The following CYP2C19 variants were observed in gnomAD, a reference collection of about 807,000 sequenced individuals.
CYP2C19 encodes cytochrome P450 2C19.
In CYP2C19, 59 loss-of-function variants were observed where a neutral mutation model predicts 40.9. The ratio of observed to expected loss-of-function variants is 1.44; its 90% CI spans 1.17 to 1.79. The LOEUF (loss-of-function observed/expected upper bound fraction) is 1.79. Ranked by LOEUF, CYP2C19 falls within the 40% of genes most tolerant of loss-of-function variation. The pLI is 0.00. For synonymous variants in CYP2C19, 253 were observed against 208.7 expected (o/e 1.21, Z -1.83); for missense variants, 754 against 596.9 (o/e 1.26, Z -2.74).
intron 5 of CYP2C19, among the ~76,000 whole-genome samples, chr10:94,817,389 G>A (rs1218077706): frequency 6.8e-6 from 1 of 147,014 alleles, no homozygotes; most frequent in Non-Finnish European, 1.5e-5. Context: ...TTTGAGAAGT[G>A]TCTGTTCATG....
intron 7 of CYP2C19, among the ~76,000 whole-genome samples, chr10:94,843,989 A>G (rs1472186058): frequency 6.6e-6 from 1 of 152,248 alleles, no homozygotes; most frequent in Admixed American, 6.5e-5. Flanking sequence ...GTATGCACAT[A>G]GAGATGAATT....
chr10:94,828,431 CT>C (rs1849267812), intron 6 of CYP2C19, among the ~76,000 whole-genome samples: 1 of 148,926 alleles, frequency 6.7e-6, no homozygotes, highest in Admixed American at 6.7e-5. Context: ...CCTTCTTTGT[CT>C]CTTTTGATCT....
At chr10:94,817,326 C>T (rs1055956769) in intron 5 of CYP2C19, among the ~76,000 whole-genome samples, 1 of 150,966 alleles carries the variant, frequency 6.6e-6, no homozygotes, top group Non-Finnish European at 1.5e-5. Flanking sequence ...TCTCTGATGG[C>T]CAGTGATGAT....
chr10:94,845,995 G>A (rs543353067), intron 7 of CYP2C19, among the ~76,000 whole-genome samples: 1 of 151,862 alleles, frequency 6.6e-6, no homozygotes, highest in Non-Finnish European at 1.5e-5. Flanking sequence ...CAATAACAAT[G>A]GTTTTCTCCT....
At chr10:94,787,993 C>T (rs549133911) in intron 5 of CYP2C19, among the ~76,000 whole-genome samples, 45 of 152,066 alleles carry the variant, frequency 3.0e-4, no homozygotes, top group Non-Finnish European at 5.4e-4. Flanking sequence ...TTGTTTTAAT[C>T]CATAAGCATG....
At chr10:94,770,043 G>T (rs1699158467) in intron 1 of CYP2C19, among the ~76,000 whole-genome samples, 1 of 152,168 alleles carries the variant, frequency 6.6e-6, no homozygotes, top group African/African-American at 2.4e-5. Context: ...TTCTCAGATG[G>T]TAACGGACCT....
intron 5 of CYP2C19, among the ~76,000 whole-genome samples, chr10:94,815,539 A>G (rs969021965): frequency 6.6e-6 from 1 of 152,170 alleles, no homozygotes; most frequent in Non-Finnish European, 1.5e-5. Flanking sequence ...TGAACTTCCA[A>G]ATTTTGAGAA....
chr10:94,803,065 G>A (rs1848787770), intron 5 of CYP2C19, among the ~76,000 whole-genome samples: 1 of 151,876 alleles, frequency 6.6e-6, no homozygotes, highest in African/African-American at 2.4e-5. Context: ...TTTCTGAGTT[G>A]CCAATTTATT....
chr10:94,826,431 T>G (rs577073586), intron 6 of CYP2C19, among the ~76,000 whole-genome samples: 135 of 152,274 alleles, frequency 8.9e-4, no homozygotes, highest in South Asian at 5.8e-3. Flanking sequence ...TTGTGAATGG[T>G]AGTTCACTCA....
At chr10:94,845,207 A>G (rs1262613980) in intron 7 of CYP2C19, among the ~76,000 whole-genome samples, 9 of 152,216 alleles carry the variant, frequency 5.9e-5, no homozygotes, top group Non-Finnish European at 5.9e-5. Flanking sequence ...TGGGCCAGAT[A>G]GTAAATATTT....
At chr10:94,794,181 G>A (rs1373269479) in intron 5 of CYP2C19, among the ~76,000 whole-genome samples, 1 of 152,136 alleles carries the variant, frequency 6.6e-6, no homozygotes, top group East Asian at 1.9e-4. Flanking sequence ...ATAATCTCCT[G>A]GTGTGCCATT....
intron 6 of CYP2C19, among the ~76,000 whole-genome samples, chr10:94,836,476 GGCCTGGAAAGCC>G (rs1231954625): frequency 1.3e-5 from 2 of 152,084 alleles, no homozygotes; most frequent in African/African-American, 4.8e-5. Flanking sequence ...ACTTCTTTAG[GGCCTGGAAAGCC>G]ACTTCTGTTT....
At chr10:94,840,394 C>T (rs1277133984) in intron 6 of CYP2C19, among the ~76,000 whole-genome samples, 2 of 151,738 alleles carry the variant, frequency 1.3e-5, no homozygotes, top group African/African-American at 4.8e-5. Flanking sequence ...AGCTGTATAC[C>T]TAAATCAGGA....
At position 94,820,686 on chromosome 10, in the gene CYP2C19, A is replaced by G. The variant is rs758430162; in HGVS notation, c.961+49A>G. ...ATTGAGTTTTAGGAAAGATGTTGGGAAGGTGCTGCTAGTGTTCTCCTTTCT... is the reference window on the plus strand; with the variant it reads ...ATTGAGTTTTAGGAAAGATGTTGGGGAGGTGCTGCTAGTGTTCTCCTTTCT... On this transcript the variant is annotated intron_variant, in intron 6 of 8. Transcript: ENST00000371321. 4.3e-6 allele frequency: 7 copies of G among 1,610,140 alleles called. No homozygotes were observed. The African/African-American group carries it at 5.3e-5, about 12-fold the overall frequency.
At chr10:94,799,137 G>A (rs566836945) in intron 5 of CYP2C19, among the ~76,000 whole-genome samples, 34 of 151,494 alleles carry the variant, frequency 2.2e-4, no homozygotes, top group Non-Finnish European at 4.6e-4. Context: ...GTAGTGGCTC[G>A]TATGGTTTGT....
intron 6 of CYP2C19, among the ~76,000 whole-genome samples, chr10:94,834,342 A>G (rs1849369678): frequency 6.6e-6 from 1 of 151,834 alleles, no homozygotes; most frequent in African/African-American, 2.4e-5. Flanking sequence ...TATCAGTTGT[A>G]TTGCTTCCTT....
At position 94,849,835 on chromosome 10, in the gene CYP2C19, G is replaced by A. The variant is rs900823561; in HGVS notation, c.1150-82G>A. 19 of 1,535,970 alleles carry A rather than the reference G, an allele frequency of 1.2e-5. No homozygotes were observed. In the South Asian group the frequency reaches 1.6e-4, roughly 13 times the overall value. The stretch of plus-strand genomic sequence containing the variant: ...GTGTTTCATCATCTGTACATCAAAA[G>A]ATTTAACTGCATGATTACCACTGTT... On this transcript the variant is annotated intron_variant, in intron 7 of 8. Coordinates refer to ENST00000371321, the MANE Select transcript of CYP2C19 (RefSeq NM_000769.4).
chr10:94,815,734 T>C (rs895834810), intron 5 of CYP2C19, among the ~76,000 whole-genome samples: 4 of 152,236 alleles, frequency 2.6e-5, no homozygotes, highest in African/African-American at 9.6e-5. Context: ...TAGATTACAA[T>C]ACTGTGGGCC....
At chr10:94,821,339 T>C (rs1849118571) in intron 6 of CYP2C19, among the ~76,000 whole-genome samples, 1 of 152,162 alleles carries the variant, frequency 6.6e-6, no homozygotes. Flanking sequence ...TTTTTCTCAT[T>C]CTCAAAACTT....
Sources: gnomAD v4.1 joint callset for allele counts (sites outside exome capture counted in the v4.1 genomes callset) on GRCh38, gnomAD v4.1.1 for gene constraint, MANE v1.5 for transcripts, NCBI Gene and HGNC (gene_info 2026-07-23, HGNC 2026-07-21) for gene names.